Variants in PRKAR1B observed in about 807,000 individuals in gnomAD.
PRKAR1B encodes cAMP-dependent protein kinase type I-beta regulatory subunit.
PRKAR1B carries 22 observed loss-of-function variants against 46.5 expected under a neutral mutation model. The ratio of observed to expected loss-of-function variants is 0.47; its 90% confidence interval spans 0.34 to 0.68. PRKAR1B has a LOEUF of 0.68. Among genes scored for constraint, PRKAR1B ranks in the 30% least tolerant of loss-of-function variants. PRKAR1B has a pLI of 0.01. For missense variants in PRKAR1B, 445 were observed against 535.6 expected (o/e 0.83, Z 1.67); for synonymous variants, 259 against 217.7 (o/e 1.19, Z -1.67).
Position 593,561 on chromosome 7 carries a change from G to C in PRKAR1B, c.708+2585C>G, listed in dbSNP as rs1392381384. Among the ~76,000 whole-genome samples the C allele has an allele frequency of 2.0e-5, 3 of 152,170 alleles. No individual in the cohort carries two copies. The highest frequency in any genetic ancestry group is 7.2e-5 in the African/African-American group (3 of 41,448). The stretch of plus-strand genomic sequence containing the variant: ...GCGACAGGGCGTCAAGGATGGTGGG[G>C]AAACGGCTTATGCAACGCCGGGCCA... On this transcript the variant is annotated intron_variant, in intron 7 of 10. Coordinates refer to ENST00000537384, the MANE Select transcript of PRKAR1B (RefSeq NM_001164760.2). The surrounding 1 kb of genome is among the most constrained non-coding windows in gnomAD (Gnocchi z 6.1).
chr7:640,562 A>G (rs1361752600), intron 4 of PRKAR1B, among the ~76,000 whole-genome samples: 1 of 152,190 alleles, frequency 6.6e-6, no homozygotes, highest in Non-Finnish European at 1.5e-5. Context: ...CAGGAGTTCG[A>G]GACCAACCTG....
At chr7:682,019 A>G (rs1778711521) in intron 2 of PRKAR1B, among the ~76,000 whole-genome samples, 3 of 151,976 alleles carry the variant, frequency 2.0e-5, no homozygotes, top group South Asian at 4.2e-4. Flanking sequence ...CTCTTTGGGA[A>G]AAGGGTGAAT....
intron 4 of PRKAR1B, among the ~76,000 whole-genome samples, chr7:660,811 TC>T (rs1464062183): frequency 1.5e-5 from 1 of 68,308 alleles, no homozygotes; most frequent in Non-Finnish European, 2.7e-5. Flanking sequence ...ATACCTACTC[TC>T]CCCCCCATGG....
intron 4 of PRKAR1B, among the ~76,000 whole-genome samples, chr7:614,307 G>A (rs1362081300): frequency 6.6e-6 from 1 of 152,210 alleles, no homozygotes; most frequent in Non-Finnish European, 1.5e-5. Flanking sequence ...CAAGATGGTG[G>A]AACACGGCTA....
At chr7:630,266 C>G (rs1437678062) in intron 4 of PRKAR1B, among the ~76,000 whole-genome samples, 1 of 152,214 alleles carries the variant, frequency 6.6e-6, no homozygotes, top group Non-Finnish European at 1.5e-5. Flanking sequence ...AGGTGAGCAG[C>G]TGAGATGTAC....
intron 6 of PRKAR1B, among the ~76,000 whole-genome samples, chr7:605,631 A>G (rs1392475765): frequency 6.6e-6 from 1 of 152,188 alleles, no homozygotes; most frequent in African/African-American, 2.4e-5. Context: ...TCTCCTTCCA[A>G]AACAGTGGGA....
intron 1 of PRKAR1B, among the ~76,000 whole-genome samples, chr7:726,254 C>A (rs182960939): frequency 2.0e-5 from 3 of 152,340 alleles, no homozygotes; most frequent in African/African-American, 7.2e-5. Context: ...TGTCTTACAC[C>A]ACAGGGGGAT....
chr7:692,672 ACCT>A, intron 2 of PRKAR1B, among the ~76,000 whole-genome samples: 1 of 152,132 alleles, frequency 6.6e-6, no homozygotes, highest in East Asian at 1.9e-4. Context: ...AGAAACAGAA[ACCT>A]CAGGCCAAAC....
At chr7:598,204 C>T (rs1206053797) in intron 6 of PRKAR1B, among the ~76,000 whole-genome samples, 1 of 151,030 alleles carries the variant, frequency 6.6e-6, no homozygotes, top group Non-Finnish European at 1.5e-5. Flanking sequence ...GCACCCTCCG[C>T]ACTAAACACC....
chr7:604,575 C>A (rs1192161469), intron 6 of PRKAR1B, among the ~76,000 whole-genome samples: 2 of 152,246 alleles, frequency 1.3e-5, no homozygotes, highest in Non-Finnish European at 2.9e-5. Context: ...GAGGCACGTG[C>A]CCCCCACGGG....
chr7:605,974 CTGCCGGCACCTGCCAGCATCACCCT>C (rs1782018997), intron 6 of PRKAR1B, among the ~76,000 whole-genome samples, 194 bp downstream of exon 6: 1 of 152,250 alleles, frequency 6.6e-6, no homozygotes, highest in Non-Finnish European at 1.5e-5. Flanking sequence ...CCTGAGGCCG[CTGCCGGCACCTGCCAGCATCACCCT>C]TGTTTCCCTC....
At chr7:580,827 A>C (rs1780138588) in intron 8 of PRKAR1B, among the ~76,000 whole-genome samples, 1 of 152,152 alleles carries the variant, frequency 6.6e-6, no homozygotes, top group African/African-American at 2.4e-5. Context: ...AAAAATAAAA[A>C]GCAAAGCATT....
chr7:663,743 G>T (rs939659778), intron 4 of PRKAR1B, among the ~76,000 whole-genome samples: 1 of 152,124 alleles, frequency 6.6e-6, no homozygotes, highest in Non-Finnish European at 1.5e-5. Context: ...TGGGGACAGT[G>T]TTACCACGTG....
intron 3 of PRKAR1B, among the ~76,000 whole-genome samples, chr7:679,950 A>C (rs528273577): frequency 6.6e-6 from 1 of 152,264 alleles, no homozygotes; most frequent in Non-Finnish European, 1.5e-5. Context: ...CAAGGTCAGG[A>C]GATTGAGACC....
chr7:579,876 C>T (rs1216026074), intron 8 of PRKAR1B, among the ~76,000 whole-genome samples: 5 of 151,950 alleles, frequency 3.3e-5, no homozygotes, highest in Admixed American at 6.6e-5. Flanking sequence ...GCAGGAGGAT[C>T]GCTTGAGGCC....
At chr7:688,588 T>C (rs1334648002) in intron 2 of PRKAR1B, among the ~76,000 whole-genome samples, 1 of 152,240 alleles carries the variant, frequency 6.6e-6, no homozygotes, top group East Asian at 1.9e-4. Flanking sequence ...CGAAACACAC[T>C]TCCGCCTTTC....
intron 2 of PRKAR1B, among the ~76,000 whole-genome samples, chr7:706,585 A>ATTTTTTTT (rs754034242): frequency 4.4e-5 from 5 of 113,738 alleles, no homozygotes; most frequent in South Asian, 3.3e-4. Flanking sequence ...TGCCCAGCTA[A>ATTTTTTTT]TTTTTTTTTT....
intron 9 of PRKAR1B, among the ~76,000 whole-genome samples, chr7:568,815 G>A (rs184751300): frequency 1.7e-3 from 261 of 152,354 alleles, no homozygotes; most frequent in African/African-American, 5.9e-3. Flanking sequence ...AGGGTAATCC[G>A]GGACCTTGGA....
intron 6 of PRKAR1B, among the ~76,000 whole-genome samples, chr7:605,658 G>C (rs1781990104): frequency 6.6e-6 from 1 of 152,226 alleles, no homozygotes; most frequent in Non-Finnish European, 1.5e-5. Context: ...CATAAAAGAT[G>C]CTCTTGAGAC....
Sources: allele counts gnomAD v4.1 joint callset (sites outside exome capture counted in the v4.1 genomes callset), GRCh38; gene constraint gnomAD v4.1.1; non-coding constraint Gnocchi (gnomAD v3.1); transcripts MANE v1.5; gene names NCBI Gene and HGNC (gene_info 2026-07-23, HGNC 2026-07-21).